Variants in MON2 observed in about 807,000 individuals in gnomAD.
MON2 encodes protein MON2 homolog.
In MON2, 84 loss-of-function variants were observed where a neutral mutation model predicts 208.6. That is an observed-to-expected ratio of 0.40 (90% CI 0.34 to 0.48). The LOEUF (loss-of-function observed/expected upper bound fraction) is 0.48, where lower values mean the gene tolerates loss of function less well. Among genes scored for constraint, MON2 ranks in the 20% least tolerant of loss-of-function variants. MON2 has a pLI of 0.59. For synonymous variants in MON2, 660 were observed against 694.0 expected (o/e 0.95, Z 0.77); for missense variants, 1,611 against 2,015.4 (o/e 0.80, Z 3.84).
chr12:62,523,346 T>G (rs993357213), intron 8 of MON2, among the ~76,000 whole-genome samples: 1 of 152,180 alleles, frequency 6.6e-6, no homozygotes, highest in African/African-American at 2.4e-5. Context: ...CATCCTTTAT[T>G]TATAAGAAAG....
rs759627545 is a variant in MON2, at chr12:62,553,216, T to C, written c.3210+42T>C. On this transcript the variant is annotated intron_variant, in intron 24 of 34. Coordinates refer to ENST00000393630, the MANE Select transcript of MON2 (RefSeq NM_015026.3). ...TGGACTATCAGCTTTTAATGAGTCA[T>C]GCTTATATATTAATACTTTTTCAGT... 14 of 1,486,428 alleles carry C rather than the reference T, an allele frequency of 9.4e-6. No individual in the cohort carries two copies. The South Asian group carries it at 1.2e-4, about 13-fold the overall frequency. 92.1% of individuals were successfully genotyped at this position (1,486,428 alleles called of 1,614,324 possible).
In MON2 at chr12:62,571,393, C is replaced by A. The variant is rs1264414955; in HGVS notation, c.4325C>A (p.Thr1442Asn). The change falls in exon 30 of 35, where the codon ACT (threonine) becomes AAT (asparagine). Residue 1442 changes from threonine (T) to asparagine (N), a missense_variant and splice_region_variant. Coordinates refer to ENST00000393630, the MANE Select transcript of MON2 (RefSeq NM_015026.3). Reference protein sequence around the residue: ...NEKVLQNIIKTLRVPLSLKYS... With the variant: ...NEKVLQNIIKNLRVPLSLKYS... ...ATATTAAACTGTCTTTATTTTCAGA[C>A]TCTTAGGGTTCCTCTCAGTTTGAAG... 1.3e-6 allele frequency: 2 copies of A among 1,587,580 alleles called. No individual in the cohort carries two copies. The highest frequency in any genetic ancestry group is 1.2e-5 in the South Asian group (1 of 86,952).
Position 62,484,491 on chromosome 12 carries a change from T to C in MON2, c.175+258T>C, listed in dbSNP as rs1321079953. Reference sequence around the variant, plus strand: ...CTCCTTAAAGGCAAGGAATTTTTTCTTACTCATCTTCGCATTCTCCTCCAC... The same window carrying C: ...CTCCTTAAAGGCAAGGAATTTTTTCCTACTCATCTTCGCATTCTCCTCCAC... On this transcript the variant is annotated intron_variant, in intron 2 of 34. Transcript: ENST00000393630. 2.0e-5 allele frequency among the ~76,000 whole-genome samples: 3 copies of C among 152,210 alleles called. No homozygotes were observed. The East Asian group carries it at 5.8e-4, about 29-fold the overall frequency.
At chr12:62,478,495 T>C (rs2069216294) in intron 1 of MON2, among the ~76,000 whole-genome samples, 1 of 152,240 alleles carries the variant, frequency 6.6e-6, no homozygotes, top group South Asian at 2.1e-4. Flanking sequence ...AGTCTATAGC[T>C]ATCATCTTGT....
intron 7 of MON2, among the ~76,000 whole-genome samples, chr12:62,507,244 T>C (rs1259019114): frequency 6.6e-6 from 1 of 152,204 alleles, no homozygotes; most frequent in Non-Finnish European, 1.5e-5. Flanking sequence ...TCTCCTCAGC[T>C]ACCTATTTTA....
intron 20 of MON2, among the ~76,000 whole-genome samples, chr12:62,544,126 A>G (rs1045788900): frequency 6.6e-6 from 1 of 152,162 alleles, no homozygotes; most frequent in East Asian, 1.9e-4. Context: ...TGTTATTTAG[A>G]AACCTAGGAA....
Position 62,592,570 on chromosome 12 carries a change from T to C in MON2, c.4991-16T>C, listed in dbSNP as rs2075431424. ...TTAATTCCACCCTTTTGAGGTTTTATACTTTTGCATTACAGTTGATGGAAA... is the reference window on the plus strand; with the variant it reads ...TTAATTCCACCCTTTTGAGGTTTTACACTTTTGCATTACAGTTGATGGAAA... On this transcript the variant is annotated splice_polypyrimidine_tract_variant and intron_variant, in intron 34 of 34. Transcript: ENST00000393630. The C allele has an allele frequency of 2.6e-6, 4 of 1,567,790 alleles. No individual in the cohort carries two copies. Among genetic ancestry groups the C allele is most frequent in the Non-Finnish European group, 3.5e-6 (4 of 1,145,740 alleles).
At chr12:62,477,614 C>T (rs1028966375) in intron 1 of MON2, among the ~76,000 whole-genome samples, 2 of 33,120 alleles carry the variant, frequency 6.0e-5, no homozygotes, top group African/African-American at 6.7e-4. Flanking sequence ...ACAGCATCTG[C>T]CTATGTTGCC....
chr12:62,599,493 A>T lies in MON2; in HGVS notation c.*6744A>T, dbSNP rs146684733. 1.6e-3 allele frequency: 245 copies of T among 152,340 alleles called. 1 individual carries two copies. Among genetic ancestry groups the T allele is most frequent in the African/African-American group, 5.6e-3 (232 of 41,584 alleles). 9.4% of individuals were successfully genotyped at this position (152,340 alleles called of 1,614,324 possible). ...GTGTACTGCAGTCAGATATAGTTAAAATAATTTTTCTGATGCGTAATTTTA... is the reference window on the plus strand; with the variant it reads ...GTGTACTGCAGTCAGATATAGTTAATATAATTTTTCTGATGCGTAATTTTA... On this transcript the variant is annotated 3_prime_UTR_variant, in exon 35 of 35. Transcript: ENST00000393630.
chr12:62,490,067 T>C, intron 2 of MON2: 1 of 1,112,302 alleles, frequency 9.0e-7, no homozygotes, highest in Non-Finnish European at 1.2e-6. Context: ...GTGAAACTGC[T>C]CAGAGCAAGG....
chr12:62,522,191 G>GA (rs889163585), intron 8 of MON2, among the ~76,000 whole-genome samples: 140 of 146,010 alleles, frequency 9.6e-4, no homozygotes, highest in Middle Eastern at 3.4e-3. Flanking sequence ...TCTCAAAAGA[G>GA]AAAAAAAAAA....
chr12:62,492,319 T>A (rs1468730575), intron 2 of MON2, among the ~76,000 whole-genome samples: 2 of 152,106 alleles, frequency 1.3e-5, no homozygotes, highest in Non-Finnish European at 2.9e-5. Context: ...TTATATGTCT[T>A]TATTGCATGT....
intron 2 of MON2, among the ~76,000 whole-genome samples, chr12:62,488,288 A>G (rs1010529515): frequency 6.6e-6 from 1 of 152,176 alleles, no homozygotes; most frequent in Non-Finnish European, 1.5e-5. Flanking sequence ...GAAGGCACCT[A>G]ACCCAGCCTG....
intron 1 of MON2, among the ~76,000 whole-genome samples, chr12:62,472,908 A>G (rs1292344505): frequency 6.6e-6 from 1 of 152,222 alleles, no homozygotes; most frequent in Non-Finnish European, 1.5e-5. Context: ...GAAATAAATG[A>G]TTACCTGTGC....
chr12:62,471,086 A>T (rs1335760539), intron 1 of MON2, among the ~76,000 whole-genome samples: 1 of 152,166 alleles, frequency 6.6e-6, no homozygotes, highest in Non-Finnish European at 1.5e-5. Flanking sequence ...ATGGAGAGAG[A>T]GAAATGTGTG....
intron 34 of MON2, chr12:62,588,885 T>C (rs754041497): frequency 6.8e-7 from 1 of 1,479,234 alleles, no homozygotes. Flanking sequence ...AATACCACCC[T>C]ACTTTTAAAC....
At chr12:62,515,898 G>A (rs940506205) in intron 8 of MON2, among the ~76,000 whole-genome samples, 7 of 151,964 alleles carry the variant, frequency 4.6e-5, no homozygotes, top group Non-Finnish European at 7.4e-5. Context: ...CGTAAATATT[G>A]TTGGGGTTTT....
At chr12:62,520,064 C>G (rs1371900328) in intron 8 of MON2, among the ~76,000 whole-genome samples, 2 of 152,238 alleles carry the variant, frequency 1.3e-5, no homozygotes, top group Non-Finnish European at 2.9e-5. Flanking sequence ...ATCTGCCCGC[C>G]TCTGCCTCCC....
intron 31 of MON2, among the ~76,000 whole-genome samples, chr12:62,578,785 A>G (rs1484143923): frequency 1.3e-5 from 2 of 152,244 alleles, no homozygotes; most frequent in African/African-American, 4.8e-5. Flanking sequence ...AAATAAATCC[A>G]TCAGTCAGGA....
Sources: allele counts gnomAD v4.1 joint callset (sites outside exome capture counted in the v4.1 genomes callset), GRCh38; gene constraint gnomAD v4.1.1; transcripts MANE v1.5; gene names NCBI Gene and HGNC (gene_info 2026-07-23, HGNC 2026-07-21).